CILP2: variants seen among roughly 807,000 people sequenced by gnomAD.
CILP2 encodes cartilage intermediate layer protein 2.
In CILP2, 38 loss-of-function variants were observed where a neutral mutation model predicts 45.6. The ratio of observed to expected loss-of-function variants is 0.83; its 90% CI spans 0.64 to 1.09. CILP2 has a LOEUF of 1.09. Among genes scored for constraint, CILP2 ranks in the 50% least tolerant of loss-of-function variants. The pLI is 0.00. For missense variants in CILP2, 1,735 were observed against 1,662.2 expected (o/e 1.04, Z -0.76); for synonymous variants, 780 against 723.5 (o/e 1.08, Z -1.25).
rs760118631 is a variant in CILP2, at chr19:19,545,899, G to C, written c.3354G>C (p.Leu1118=). ...PAGRPSLFQR[L]LESPATALGD... is the part of the protein sequence containing the mutation. ...GACGACCCAGCCTCTTCCAGAGGCT[G>C]CTGGAGTCCCCGGCGACAGCACTTG... Residue 1118 remains leucine (L), a synonymous_variant, in exon 8 of 8, where the codon CTG becomes CTC. Coordinates refer to ENST00000291495, the MANE Select transcript of CILP2 (RefSeq NM_153221.2). 1.3e-6 allele frequency: 2 copies of C among 1,584,400 alleles called. No individual in the cohort carries two copies. The highest frequency in any genetic ancestry group is 1.7e-6 in the Non-Finnish European group (2 of 1,159,742).
In CILP2 at chr19:19,544,983, T is replaced by C; in HGVS notation, c.2438T>C (p.Leu813Pro). The C allele has an allele frequency of 6.3e-7, 1 of 1,597,594 alleles. No homozygotes were observed. The highest frequency in any genetic ancestry group is 1.3e-5 in the African/African-American group (1 of 74,916). Reference sequence around the variant, plus strand: ...TACACCGCCCTGGTCACCGCCACCCTGGGCGGCGAGGAGCTGGAGCCGGCC... The same window carrying C: ...TACACCGCCCTGGTCACCGCCACCCCGGGCGGCGAGGAGCTGGAGCCGGCC... The part of the protein sequence containing the change: ...DAYTALVTAT[L>P]GGEELEPAPS... The change falls in exon 8 of 8, where the codon CTG becomes CCG. Residue 813 changes from leucine (L) to proline (P), a missense_variant. Transcript: ENST00000291495.
At position 19,543,228 on chromosome 19, in the gene CILP2, G is replaced by A. The variant is rs771397389; in HGVS notation, c.978-20G>A. On this transcript the variant is annotated intron_variant, in intron 6 of 7. Coordinates refer to ENST00000291495, the MANE Select transcript of CILP2 (RefSeq NM_153221.2). ...AGCCCCTCCCACTGAGTCCTATGGT[G>A]TCGCTCACCTGCCATCCAGGTTCCA... 1.9e-6 allele frequency: 3 copies of A among 1,610,774 alleles called. No individual in the cohort carries two copies. Among genetic ancestry groups the A allele is most frequent in the Non-Finnish European group, 2.5e-6 (3 of 1,178,926 alleles).
At chr19:19,541,753 G>C (rs2061245251) in intron 4 of CILP2, among the ~76,000 whole-genome samples, 1 of 152,206 alleles carries the variant, frequency 6.6e-6, no homozygotes, top group African/African-American at 2.4e-5. Context: ...CAGCCTGGCA[G>C]ACATGATGCC....
chr19:19,544,477 C>G lies in CILP2; in HGVS notation c.1932C>G (p.Ser644=), dbSNP rs930784284. 1 of 1,606,892 alleles carries G rather than the reference C, an allele frequency of 6.2e-7. No homozygotes were observed. The highest frequency in any genetic ancestry group is 8.5e-7 in the Non-Finnish European group (1 of 1,179,304). ...LAPLRTYGMF[S]VDLRAPGSAE... is the part of the protein sequence containing the mutation. ...CACTGCGCACCTACGGCATGTTCTCCGTGGACCTCCGTGCGCCCGGCTCCG... is the reference window on the plus strand; with the variant it reads ...CACTGCGCACCTACGGCATGTTCTCGGTGGACCTCCGTGCGCCCGGCTCCG... Residue 644 remains serine (S), a synonymous_variant, in exon 8 of 8, where the codon TCC becomes TCG. Transcript: ENST00000291495.
rs2061238176 is a variant in CILP2, at chr19:19,540,180, T to A, written c.164-24T>A. On this transcript the variant is annotated intron_variant, in intron 2 of 7. Transcript: ENST00000291495. ...GGGGGCCTACAGGCCGCCGCCCTGG[T>A]CCCAGCGCGTGCGGTGCCCGCAGAG... The A allele has an allele frequency of 3.2e-6, 5 of 1,551,434 alleles. No individual in the cohort carries two copies. In the East Asian group the frequency reaches 1.2e-4, roughly 37 times the overall value.
intron 1 of CILP2, among the ~76,000 whole-genome samples, chr19:19,539,097 G>C (rs2061233155): frequency 1.3e-5 from 2 of 152,190 alleles, no homozygotes; most frequent in African/African-American, 2.4e-5. Context: ...AGGGGAACTG[G>C]GTGGTACTTG....
chr19:19,540,650 C>A (rs1012341607), intron 3 of CILP2, 174 bp downstream of exon 3: 1 of 742,352 alleles, frequency 1.3e-6, no homozygotes, highest in Non-Finnish European at 2.0e-6. Context: ...CGGGGCCAGG[C>A]AGGGCGGGGC....
Position 19,543,708 on chromosome 19 carries a change from G to A in CILP2, c.1163G>A (p.Arg388Gln), listed in dbSNP as rs146711114. 2.7e-3 allele frequency: 4,393 copies of A among 1,600,420 alleles called. 15 individuals carry two copies. The highest frequency in any genetic ancestry group is 0.011 in the South Asian group (952 of 89,972). Residue 388 changes from arginine to glutamine, a missense_variant, in exon 8 of 8, where the codon CGG becomes CAG. Physicochemically the swap from Arg to Gln is conservative, Grantham distance 43 (BLOSUM62 1). Transcript: ENST00000291495. ...CCAGGCCAGCCAGCCTGCGACCCCC[G>A]GCCCCGAGAGTACCTGATCAAGCTC... ...LAPGQPACDP[R>Q]PREYLIKLPE...
intron 7 of CILP2, 73 bp from the exon 8 acceptor site, chr19:19,543,608 G>A (rs2061252111): frequency 6.8e-7 from 1 of 1,469,696 alleles, no homozygotes; most frequent in African/African-American, 1.4e-5. Flanking sequence ...CTTGACTGCA[G>A]ACAGAGTCCC....
chr19:19,545,146 G>A lies in CILP2; in HGVS notation c.2601G>A (p.Arg867=). 6.2e-7 allele frequency: 1 copy of A among 1,612,478 alleles called. No homozygotes were observed. Among genetic ancestry groups the A allele is most frequent in the Non-Finnish European group, 8.5e-7 (1 of 1,179,822 alleles). ...TCCGCATCAACCTCGCCAAGCCCAG[G>A]CCAGGTGACCCCGCCGAGGCCAATG... The part of the protein sequence containing the change: ...NGFRINLAKP[R]PGDPAEANGP... Residue 867 remains arginine, a synonymous_variant, in exon 8 of 8, where the codon AGG becomes AGA. Coordinates refer to ENST00000291495, the MANE Select transcript of CILP2 (RefSeq NM_153221.2).
At position 19,545,329 on chromosome 19, in the gene CILP2, C is replaced by T; in HGVS notation, c.2784C>T (p.Ala928=). ...TPASWTGDLL[A]WWPNPQEFRA... ...CCTCCTGGACTGGCGATCTCCTGGC[C>T]TGGTGGCCCAACCCGCAGGAGTTCC... The change falls in exon 8 of 8, where the codon GCC becomes GCT. Residue 928 remains alanine (A), a synonymous_variant. Transcript: ENST00000291495. 1.2e-6 allele frequency: 2 copies of T among 1,612,588 alleles called. No individual in the cohort carries two copies. The highest frequency in any genetic ancestry group is 1.7e-6 in the Non-Finnish European group (2 of 1,179,826).
chr19:19,544,258 C>A lies in CILP2; in HGVS notation c.1713C>A (p.Pro571=). The change falls in exon 8 of 8, where the codon CCC becomes CCA. Residue 571 remains proline (P), a synonymous_variant. Coordinates refer to ENST00000291495, the MANE Select transcript of CILP2 (RefSeq NM_153221.2). ...ATACCAGCCAGAGCAACACGATCCCCCTGGGCGAGCTGGAAGATGAGGCGC... is the reference window on the plus strand; with the variant it reads ...ATACCAGCCAGAGCAACACGATCCCACTGGGCGAGCTGGAAGATGAGGCGC... The part of the protein sequence containing the change: ...ILHTSQSNTI[P]LGELEDEAPL... The A allele has an allele frequency of 1.2e-6, 2 of 1,613,766 alleles. No individual in the cohort carries two copies. The highest frequency in any genetic ancestry group is 2.2e-5 in the East Asian group (1 of 44,876).
At position 19,544,831 on chromosome 19, in the gene CILP2, G is replaced by T; in HGVS notation, c.2286G>T (p.Leu762=). 1 of 1,602,140 alleles carries T rather than the reference G, an allele frequency of 6.2e-7. No homozygotes were observed. Residue 762 remains leucine (L), a synonymous_variant, in exon 8 of 8, where the codon CTG becomes CTT. Coordinates refer to ENST00000291495, the MANE Select transcript of CILP2 (RefSeq NM_153221.2). ...AGGTGGAGGGCGTGGTGGTCACGCT[G>T]GTCAATCTGGAGCCCGCCCCCGGCT... The part of the protein sequence containing the change: ...SEQVEGVVVT[L]VNLEPAPGFS...
chr19:19,543,084 A>C, intron 6 of CILP2, 112 bp downstream of exon 6: 1 of 980,410 alleles, frequency 1.0e-6, no homozygotes, highest in Non-Finnish European at 1.6e-6. Context: ...TTAACGGGGA[A>C]TGAATTGGGT....
At position 19,540,191 on chromosome 19, in the gene CILP2, G is replaced by A; in HGVS notation, c.164-13G>A. The stretch of plus-strand genomic sequence containing the variant: ...GGCCGCCGCCCTGGTCCCAGCGCGT[G>A]CGGTGCCCGCAGAGGCCAGCGAGTG... On this transcript the variant is annotated splice_polypyrimidine_tract_variant and intron_variant, in intron 2 of 7. Coordinates refer to ENST00000291495, the MANE Select transcript of CILP2 (RefSeq NM_153221.2). The A allele has an allele frequency of 1.3e-6, 2 of 1,564,476 alleles. No individual in the cohort carries two copies. Among genetic ancestry groups the A allele is most frequent in the Non-Finnish European group, 1.7e-6 (2 of 1,158,522 alleles).
chr19:19,544,270 G>A lies in CILP2; in HGVS notation c.1725G>A (p.Leu575=). The stretch of plus-strand genomic sequence containing the variant: ...GCAACACGATCCCCCTGGGCGAGCT[G>A]GAAGATGAGGCGCCCCTGGGCGAGC... ...SQSNTIPLGE[L]EDEAPLGELV... The change falls in exon 8 of 8, where the codon CTG becomes CTA. Residue 575 remains leucine (L), a synonymous_variant. Coordinates refer to ENST00000291495, the MANE Select transcript of CILP2 (RefSeq NM_153221.2). 1 of 1,613,626 alleles carries A rather than the reference G, an allele frequency of 6.2e-7. No individual in the cohort carries two copies. Among genetic ancestry groups the A allele is most frequent in the Non-Finnish European group, 8.5e-7 (1 of 1,180,006 alleles).
chr19:19,546,047 C>A lies in CILP2; in HGVS notation c.*31C>A. ...GCAGGGGCCTCGCTTTCCCACCTCC[C>A]TCCAGACTCCTTTGACCCCAGGAAG... On this transcript the variant is annotated 3_prime_UTR_variant, in exon 8 of 8. Transcript: ENST00000291495. 1 of 1,421,758 alleles carries A rather than the reference C, an allele frequency of 7.0e-7. No homozygotes were observed. Among genetic ancestry groups the A allele is most frequent in the South Asian group, 1.6e-5 (1 of 62,576 alleles). 88.1% of individuals were successfully genotyped at this position (1,421,758 alleles called of 1,614,324 possible). A position where few individuals can be genotyped will look rare whatever the true frequency, so the allele number is the denominator to read the frequency against.
rs557693665 is a variant in CILP2 at position 19,538,275 on chromosome 19, G to T, written c.-75G>T. 7.1e-7 allele frequency: 1 copy of T among 1,406,046 alleles called. No homozygotes were observed. The highest frequency in any genetic ancestry group is 2.7e-5 in the East Asian group (1 of 37,380). The allele number at this position is 1,406,046 out of a possible 1,614,324, so 87.1% of individuals were successfully genotyped here. A position where few individuals can be genotyped will look rare whatever the true frequency, so the allele number is the denominator to read the frequency against. ...CCCGCCCCCACTCTCAGTCCCAGCGGCCGCCAGACCCGCCGGAGTTGGACC... is the reference window on the plus strand; with the variant it reads ...CCCGCCCCCACTCTCAGTCCCAGCGTCCGCCAGACCCGCCGGAGTTGGACC... On this transcript the variant is annotated 5_prime_UTR_variant, in exon 1 of 8. Coordinates refer to ENST00000291495, the MANE Select transcript of CILP2 (RefSeq NM_153221.2).
At chr19:19,540,543 G>A in intron 3 of CILP2, 67 bp downstream of exon 3, 3 of 1,146,588 alleles carry the variant, frequency 2.6e-6, no homozygotes, top group Non-Finnish European at 3.4e-6. Flanking sequence ...GCCGGGAAGA[G>A]TCGTGGTGGG....
Sources: gnomAD v4.1 joint callset for allele counts (sites outside exome capture counted in the v4.1 genomes callset) on GRCh38, gnomAD v4.1.1 for gene constraint, MANE v1.5 for transcripts, NCBI Gene and HGNC (gene_info 2026-07-23, HGNC 2026-07-21) for gene names.